The following ADAMTSL1 variants were observed in gnomAD, a reference collection of about 807,000 sequenced individuals.
ADAMTSL1 encodes ADAMTS like 1.
ADAMTSL1 carries 126 observed loss-of-function variants against 201.8 expected under a neutral mutation model. The observed-to-expected ratio is 0.62, with a 90% confidence interval of 0.54 to 0.72. ADAMTSL1 has a LOEUF of 0.72. Among genes scored for constraint, ADAMTSL1 ranks in the 30% least tolerant of loss-of-function variants. The pLI is 0.00. For missense variants in ADAMTSL1, 2,679 were observed against 2,277.8 expected (o/e 1.18, Z -3.59); for synonymous variants, 1,121 against 903.4 (o/e 1.24, Z -4.32).
chr9:18,594,140 C>G (rs1824103442), intron 4 of ADAMTSL1, among the ~76,000 whole-genome samples: 1 of 151,940 alleles, frequency 6.6e-6, no homozygotes, highest in African/African-American at 2.4e-5. Flanking sequence ...AGGGTACAAT[C>G]TTTTTGTTGA....
chr9:18,708,455 A>G (rs1427028419), intron 14 of ADAMTSL1, among the ~76,000 whole-genome samples: 1 of 152,220 alleles, frequency 6.6e-6, no homozygotes, highest in Non-Finnish European at 1.5e-5. Flanking sequence ...CCTGGAACTC[A>G]GTGAATGTAA....
chr9:17,979,273 T>G (rs988242005), intron 1 of ADAMTSL1, among the ~76,000 whole-genome samples: 1 of 152,086 alleles, frequency 6.6e-6, no homozygotes, highest in African/African-American at 2.4e-5. Context: ...CCTTTCTCTT[T>G]CTTTTCTTCT....
chr9:18,536,549 G>A (rs1819788454), intron 3 of ADAMTSL1, among the ~76,000 whole-genome samples: 2 of 150,464 alleles, frequency 1.3e-5, no homozygotes, highest in African/African-American at 2.5e-5. Context: ...TTCCCATAAT[G>A]TTTGCATAGT....
chr9:17,968,247 G>A (rs564437949), intron 1 of ADAMTSL1, among the ~76,000 whole-genome samples: 1 of 152,212 alleles, frequency 6.6e-6, no homozygotes, highest in East Asian at 1.9e-4. Flanking sequence ...CTCCAGGAAG[G>A]CATTGTGCCA....
intron 3 of ADAMTSL1, 77 bp downstream of exon 3, chr9:18,533,369 G>A (rs1021231471): frequency 7.8e-7 from 1 of 1,277,682 alleles, no homozygotes; most frequent in Non-Finnish European, 1.1e-6. Flanking sequence ...TATATCCTGA[G>A]CAGGAAATCA....
At chr9:18,135,391 A>G (rs145560064) in intron 1 of ADAMTSL1, among the ~76,000 whole-genome samples, 3 of 152,304 alleles carry the variant, frequency 2.0e-5, no homozygotes, top group Non-Finnish European at 2.9e-5. Context: ...CTCAAAATGT[A>G]AAATGCTTAA....
chr9:18,723,122 C>T (rs141312979), intron 15 of ADAMTSL1: 410 of 759,514 alleles, frequency 5.4e-4, no homozygotes, highest in African/African-American at 3.8e-3. Flanking sequence ...TGGCCTAGGG[C>T]GAGGTGTCTG....
At chr9:18,453,470 G>A (rs968367207) in intron 2 of ADAMTSL1, among the ~76,000 whole-genome samples, 1 of 152,122 alleles carries the variant, frequency 6.6e-6, no homozygotes, top group Non-Finnish European at 1.5e-5. Context: ...CCCTTGGTTT[G>A]TCATCTGAAC....
intron 1 of ADAMTSL1, among the ~76,000 whole-genome samples, chr9:18,102,845 G>A (rs971114005): frequency 1.5e-4 from 23 of 152,220 alleles, no homozygotes; most frequent in Middle Eastern, 3.4e-3. Flanking sequence ...CAAAAGTTTC[G>A]AAATAATAGA....
In ADAMTSL1 at chr9:18,069,638, C is replaced by A. The variant is rs552741384; in HGVS notation, c.88-94224C>A. Among the ~76,000 whole-genome samples, 5 of 152,248 alleles carry A rather than the reference C, an allele frequency of 3.3e-5. No homozygotes were observed. In the South Asian group the frequency reaches 1.0e-3, roughly 32 times the overall value. ...TTTCACTCCTAATCTGGGCTTTATT[C>A]TTTAGCTGCTGAAGTGTTTATTTAT... On this transcript the variant is annotated intron_variant, in intron 1 of 29. Transcript: ENST00000680146.
At chr9:18,115,002 T>C (rs775972968) in intron 1 of ADAMTSL1, among the ~76,000 whole-genome samples, 1 of 152,194 alleles carries the variant, frequency 6.6e-6, no homozygotes, top group African/African-American at 2.4e-5. Flanking sequence ...TTGTCAATGA[T>C]AATTGAATCG....
At chr9:18,323,415 T>C (rs1834704564) in intron 2 of ADAMTSL1, among the ~76,000 whole-genome samples, 1 of 152,168 alleles carries the variant, frequency 6.6e-6, no homozygotes, top group South Asian at 2.1e-4. Flanking sequence ...ATAAGAAACC[T>C]AAAATTAGTA....
intron 1 of ADAMTSL1, among the ~76,000 whole-genome samples, chr9:18,084,192 G>A (rs1430407554): frequency 6.6e-6 from 1 of 152,166 alleles, no homozygotes; most frequent in African/African-American, 2.4e-5. Context: ...CAGATTAGGT[G>A]AGTGTGGTCT....
chr9:18,655,465 A>T (rs1019659842), intron 7 of ADAMTSL1, among the ~76,000 whole-genome samples: 1 of 152,168 alleles, frequency 6.6e-6, no homozygotes, highest in Non-Finnish European at 1.5e-5. Context: ...AGATGTGTTT[A>T]GCTCCCTAAA....
chr9:17,913,021 C>CTCTGT (rs924724991), intron 1 of ADAMTSL1, among the ~76,000 whole-genome samples: 7 of 152,094 alleles, frequency 4.6e-5, no homozygotes, highest in African/African-American at 9.7e-5. Flanking sequence ...TTTCTGAGGG[C>CTCTGT]TCTGTTCTGT....
chr9:18,037,972 T>C (rs1469138863), intron 1 of ADAMTSL1, among the ~76,000 whole-genome samples: 1 of 152,104 alleles, frequency 6.6e-6, no homozygotes, highest in Admixed American at 6.6e-5. Context: ...ATACCAAGAA[T>C]CTAAAGTATT....
At chr9:18,122,709 T>A (rs1366268138) in intron 1 of ADAMTSL1, among the ~76,000 whole-genome samples, 1 of 152,220 alleles carries the variant, frequency 6.6e-6, no homozygotes, top group Non-Finnish European at 1.5e-5. Flanking sequence ...GTTACATACA[T>A]CTTCTTTTCA....
At chr9:18,021,740 G>A (rs1820488350) in intron 1 of ADAMTSL1, among the ~76,000 whole-genome samples, 1 of 152,112 alleles carries the variant, frequency 6.6e-6, no homozygotes, top group African/African-American at 2.4e-5. Context: ...TGTTAGTTGA[G>A]TTGTGCCAGG....
chr9:18,846,502 T>A (rs1826123895), intron 23 of ADAMTSL1, among the ~76,000 whole-genome samples: 1 of 152,114 alleles, frequency 6.6e-6, no homozygotes, highest in Non-Finnish European at 1.5e-5. Context: ...TAGACAAGGT[T>A]AAAGAGGGAG....
Sources: gnomAD v4.1 joint callset for allele counts (sites outside exome capture counted in the v4.1 genomes callset) on GRCh38, gnomAD v4.1.1 for gene constraint, MANE v1.5 for transcripts, NCBI Gene and HGNC (gene_info 2026-07-23, HGNC 2026-07-21) for gene names.